The following DPP10 variants were observed in gnomAD, a reference collection of about 807,000 sequenced individuals.
The protein encoded by DPP10 is inactive dipeptidyl peptidase 10.
In DPP10, 33 loss-of-function variants were observed where a neutral mutation model predicts 120.9. The observed-to-expected ratio is 0.27, with a 90% CI of 0.21 to 0.37. The LOEUF (loss-of-function observed/expected upper bound fraction) is 0.37, where lower values mean the gene tolerates loss of function less well. Ranked by LOEUF, DPP10 falls within the 10% of genes least tolerant of loss-of-function variation. DPP10 has a pLI of 1.00. For missense variants in DPP10, 816 were observed against 942.8 expected, an observed-to-expected ratio of 0.87 and a Z score of 1.76; for synonymous variants, 337 against 326.1, an observed-to-expected ratio of 1.03 and a Z score of -0.36.
At chr2:114,521,233 GTC>G (rs766336891) in intron 1 of DPP10, among the ~76,000 whole-genome samples, 4 of 135,784 alleles carry the variant, frequency 2.9e-5, no homozygotes, top group East Asian at 2.1e-4. Flanking sequence ...AATCTAATCT[GTC>G]TCTCTCACAT....
chr2:115,773,764 C>G (rs994514875), intron 13 of DPP10, among the ~76,000 whole-genome samples: 3 of 152,068 alleles, frequency 2.0e-5, no homozygotes, highest in African/African-American at 7.2e-5. Context: ...CTTGTGAAAT[C>G]TGCTCAAATA....
At chr2:114,451,438 G>A (rs1309559767) in intron 1 of DPP10, among the ~76,000 whole-genome samples, 4 of 152,038 alleles carry the variant, frequency 2.6e-5, no homozygotes, top group Non-Finnish European at 5.9e-5. Context: ...TATTAAGAGG[G>A]ATAAATACTT....
chr2:114,569,839 C>T (rs1269979133), intron 1 of DPP10, among the ~76,000 whole-genome samples: 1 of 152,152 alleles, frequency 6.6e-6, no homozygotes, highest in Non-Finnish European at 1.5e-5. Context: ...CACACGTGTG[C>T]ACGCCTATCA....
intron 2 of DPP10, among the ~76,000 whole-genome samples, chr2:115,329,033 T>C (rs1354293660): frequency 2.0e-5 from 3 of 152,062 alleles, no homozygotes; most frequent in Non-Finnish European, 4.4e-5. Flanking sequence ...GTGAAGGCAT[T>C]GTAGGTGGTA....
chr2:114,514,247 C>A (rs1025244884), intron 1 of DPP10, among the ~76,000 whole-genome samples: 8 of 152,124 alleles, frequency 5.3e-5, no homozygotes, highest in African/African-American at 1.7e-4. Flanking sequence ...CATGAAGTAC[C>A]TAATCTCCCC....
At chr2:114,866,159 G>A (rs1250779140) in intron 1 of DPP10, among the ~76,000 whole-genome samples, 1 of 130,160 alleles carries the variant, frequency 7.7e-6, no homozygotes, top group Non-Finnish European at 1.7e-5. Flanking sequence ...AAACTTATAT[G>A]CTTGTTTATT....
chr2:115,819,801 C>A (rs1421251913), intron 21 of DPP10, among the ~76,000 whole-genome samples: 1 of 152,094 alleles, frequency 6.6e-6, no homozygotes, highest in Non-Finnish European at 1.5e-5. Flanking sequence ...CGAGACCATC[C>A]TGACCAACAT....
At chr2:115,050,989 A>T (rs575799179) in intron 1 of DPP10, among the ~76,000 whole-genome samples, 19 of 152,308 alleles carry the variant, frequency 1.2e-4, no homozygotes, top group African/African-American at 4.1e-4. Flanking sequence ...CAATCACCAT[A>T]ACAAACAGAA....
chr2:115,191,754 G>C (rs181541773), intron 1 of DPP10, among the ~76,000 whole-genome samples: 10 of 152,262 alleles, frequency 6.6e-5, no homozygotes, highest in Admixed American at 1.3e-4. Flanking sequence ...GCCGGTTCGA[G>C]CTTTTCCTTC....
intron 3 of DPP10, among the ~76,000 whole-genome samples, chr2:115,365,141 A>T (rs1262105016): frequency 6.6e-6 from 1 of 152,100 alleles, no homozygotes; most frequent in Non-Finnish European, 1.5e-5. Context: ...TTCCTGAAAT[A>T]GTCACTAATC....
intron 1 of DPP10, among the ~76,000 whole-genome samples, chr2:114,513,049 AGAG>A (rs1423037046): frequency 1.3e-5 from 2 of 152,136 alleles, no homozygotes; most frequent in Non-Finnish European, 2.9e-5. Flanking sequence ...GAGAAAAAGA[AGAG>A]GAGGAAGTTG....
intron 1 of DPP10, among the ~76,000 whole-genome samples, chr2:114,752,827 A>G (rs1263058745): frequency 6.6e-6 from 1 of 152,218 alleles, no homozygotes; most frequent in Non-Finnish European, 1.5e-5. Flanking sequence ...GTCACAGGAA[A>G]GGAAAGTAAA....
intron 3 of DPP10, among the ~76,000 whole-genome samples, chr2:115,482,972 A>G (rs1043512365): frequency 3.3e-5 from 5 of 152,124 alleles, no homozygotes; most frequent in Non-Finnish European, 5.9e-5. Flanking sequence ...TCAATGAGAT[A>G]CATAAATACC....
At chr2:115,544,678 TTGA>T (rs1266220998) in intron 5 of DPP10, among the ~76,000 whole-genome samples, 1 of 151,994 alleles carries the variant, frequency 6.6e-6, no homozygotes, top group Non-Finnish European at 1.5e-5. Flanking sequence ...ATCAGGCCAC[TTGA>T]ATTTAGACTG....
intron 1 of DPP10, among the ~76,000 whole-genome samples, chr2:114,743,866 G>A (rs1678303332): frequency 6.6e-6 from 1 of 151,920 alleles, no homozygotes; most frequent in Admixed American, 6.6e-5. Context: ...TTGTCTTGGT[G>A]GTGGATGTGA....
At chr2:115,648,820 G>A (rs2087505261) in intron 5 of DPP10, among the ~76,000 whole-genome samples, 1 of 152,024 alleles carries the variant, frequency 6.6e-6, no homozygotes, top group Admixed American at 6.6e-5. Context: ...GGAAAGCAAA[G>A]CAGTAATAGG....
chr2:115,238,955 T>C (rs2058133495), intron 1 of DPP10, among the ~76,000 whole-genome samples: 2 of 152,114 alleles, frequency 1.3e-5, no homozygotes, highest in Non-Finnish European at 2.9e-5. Flanking sequence ...GCTGAAGAAC[T>C]TGGAGTCCGA....
chr2:115,286,526 A>ATAATATATATAT (rs10675008), intron 1 of DPP10, among the ~76,000 whole-genome samples: 2 of 60,946 alleles, frequency 3.3e-5, no homozygotes, highest in African/African-American at 5.4e-5. Flanking sequence ...ATATATATAT[A>ATAATATATATAT]ATATATATAT....
At chr2:114,888,103 G>A (rs916424206) in intron 1 of DPP10, among the ~76,000 whole-genome samples, 5 of 147,732 alleles carry the variant, frequency 3.4e-5, no homozygotes, top group African/African-American at 1.0e-4. Context: ...AGGTCGTGCT[G>A]CTGCACTCCA....
Sources: allele counts gnomAD v4.1 joint callset (sites outside exome capture counted in the v4.1 genomes callset), GRCh38; gene constraint gnomAD v4.1.1; transcripts MANE v1.5; gene names NCBI Gene and HGNC (gene_info 2026-07-23, HGNC 2026-07-21).